The following PLEKHA1 variants were observed in gnomAD, a reference collection of about 807,000 sequenced individuals.
PLEKHA1 encodes pleckstrin homology domain-containing family A member 1.
Under a neutral mutation model 52.0 loss-of-function variants are expected in PLEKHA1, and 34 were observed. That is an observed-to-expected ratio of 0.65 (90% confidence interval 0.50 to 0.87). PLEKHA1 has a LOEUF of 0.87. Ranked by LOEUF, PLEKHA1 falls within the 40% of genes least tolerant of loss-of-function variation. The pLI is 0.00. For synonymous variants in PLEKHA1, 163 were observed against 170.7 expected (o/e 0.95, Z 0.35); for missense variants, 497 against 504.2 (o/e 0.99, Z 0.14).
At chr10:122,429,254 AATG>A in intron 11 of PLEKHA1, among the ~76,000 whole-genome samples, 1 of 152,170 alleles carries the variant, frequency 6.6e-6, no homozygotes, top group East Asian at 1.9e-4. Flanking sequence ...TCTTAAATAA[AATG>A]ATACAGCTGG....
chr10:122,377,981 C>G (rs1292818298), intron 1 of PLEKHA1, among the ~76,000 whole-genome samples: 5 of 152,164 alleles, frequency 3.3e-5, no homozygotes, highest in Non-Finnish European at 7.3e-5. Flanking sequence ...TTGTTTCCTA[C>G]ATGGAACTCT....
At chr10:122,399,075 C>T (rs1352216507) in intron 3 of PLEKHA1, among the ~76,000 whole-genome samples, 1 of 152,096 alleles carries the variant, frequency 6.6e-6, no homozygotes, top group African/African-American at 2.4e-5. Flanking sequence ...CTGTGCAGTT[C>T]TGTAACTTTC....
intron 5 of PLEKHA1, among the ~76,000 whole-genome samples, chr10:122,410,924 C>G (rs1298793564): frequency 1.3e-5 from 2 of 152,024 alleles, no homozygotes; most frequent in Non-Finnish European, 2.9e-5. Context: ...TCTCTTAATG[C>G]TAGTTGCTGT....
intron 1 of PLEKHA1, among the ~76,000 whole-genome samples, chr10:122,375,481 A>G (rs373583003): frequency 1.3e-4 from 19 of 148,950 alleles, no homozygotes; most frequent in African/African-American, 4.6e-4. Context: ...GGCACCGGGG[A>G]GGCGACCAGA....
chr10:122,381,609 T>G (rs937137695), intron 1 of PLEKHA1, among the ~76,000 whole-genome samples: 2 of 152,210 alleles, frequency 1.3e-5, no homozygotes, highest in Admixed American at 6.6e-5. Context: ...TCATGCCTCC[T>G]GTACAGACTG....
At chr10:122,412,824 G>T (rs546182583) in intron 5 of PLEKHA1, 96 bp from the exon 6 acceptor site, 10 of 1,349,852 alleles carry the variant, frequency 7.4e-6, no homozygotes, top group East Asian at 2.4e-5. Context: ...TCTGTCAACC[G>T]TATGCAAACG....
chr10:122,394,526 A>G (rs979537804), intron 2 of PLEKHA1, among the ~76,000 whole-genome samples: 3 of 152,274 alleles, frequency 2.0e-5, no homozygotes, highest in Admixed American at 6.5e-5. Flanking sequence ...TGGGTGAGGA[A>G]TGGAAGGTCT....
intron 7 of PLEKHA1, among the ~76,000 whole-genome samples, chr10:122,416,355 A>G (rs948427318): frequency 6.6e-6 from 1 of 152,130 alleles, no homozygotes; most frequent in Non-Finnish European, 1.5e-5. Context: ...GGCCAGCGGC[A>G]GGAGAAGGAG....
chr10:122,388,502 A>G (rs557597235), intron 1 of PLEKHA1, among the ~76,000 whole-genome samples: 51 of 152,260 alleles, frequency 3.3e-4, no homozygotes, highest in Non-Finnish European at 6.5e-4. Context: ...GAATATCTGA[A>G]TCTCAGAGAT....
At chr10:122,391,738 CT>C (rs908152168) in intron 1 of PLEKHA1, among the ~76,000 whole-genome samples, 3,470 of 144,762 alleles carry the variant, frequency 0.024, 100 homozygotes, top group African/African-American at 0.074. Context: ...ACATTGTAAA[CT>C]TTTTTTTTTT....
At chr10:122,417,868 A>G in intron 7 of PLEKHA1, 32 bp from the exon 8 acceptor site, 1 of 1,544,786 alleles carries the variant, frequency 6.5e-7, no homozygotes, top group Non-Finnish European at 8.9e-7. Flanking sequence ...TCTTAGAAAC[A>G]CAAGTCTTAT....
chr10:122,383,191 C>T (rs2096638481), intron 1 of PLEKHA1, among the ~76,000 whole-genome samples: 1 of 152,200 alleles, frequency 6.6e-6, no homozygotes, highest in Non-Finnish European at 1.5e-5. Context: ...CATTTAGCCC[C>T]AGCAACTACC....
chr10:122,438,833 A>T, the PLEKHA1 span: 3 of 152,014 alleles, frequency 2.0e-5, no homozygotes, highest in Non-Finnish European at 4.4e-5. Flanking sequence ...TGGGTCATAC[A>T]TGAAATACAC....
At chr10:122,400,899 G>A (rs188214091) in intron 4 of PLEKHA1, among the ~76,000 whole-genome samples, 195 of 152,232 alleles carry the variant, frequency 1.3e-3, no homozygotes, top group African/African-American at 4.5e-3. Context: ...AGGCTGGTTG[G>A]CTCATAAATA....
rs759699794 is a variant in PLEKHA1 at position 122,406,515 on chromosome 10, C to A, written c.245-61C>A. Reference sequence around the variant, plus strand: ...ACTTAGCAAGGTTTTTCAGCTACTGCAAACATAAATTTAGAGGTAATAAGT... The same window carrying A: ...ACTTAGCAAGGTTTTTCAGCTACTGAAAACATAAATTTAGAGGTAATAAGT... On this transcript the variant is annotated intron_variant, in intron 4 of 11. Coordinates refer to ENST00000368990, the MANE Select transcript of PLEKHA1 (RefSeq NM_001001974.4). 9 of 1,384,428 alleles carry A rather than the reference C, an allele frequency of 6.5e-6. No individual in the cohort carries two copies. In the South Asian group the frequency reaches 7.1e-5, roughly 11 times the overall value. The allele number at this position is 1,384,428 out of a possible 1,614,324, so 85.8% of individuals were successfully genotyped here.
chr10:122,428,583 A>G (rs560578289), intron 11 of PLEKHA1, among the ~76,000 whole-genome samples: 16 of 152,370 alleles, frequency 1.1e-4, no homozygotes, highest in African/African-American at 3.8e-4. Flanking sequence ...ATAAAAATTA[A>G]TATACTCAAC....
intron 4 of PLEKHA1, among the ~76,000 whole-genome samples, chr10:122,402,001 A>G (rs1042355193): frequency 6.6e-6 from 1 of 152,152 alleles, no homozygotes; most frequent in Non-Finnish European, 1.5e-5. Context: ...TAAAAGTTAC[A>G]TGTTTATTAC....
At chr10:122,381,031 G>A (rs2096607540) in intron 1 of PLEKHA1, among the ~76,000 whole-genome samples, 2 of 152,170 alleles carry the variant, frequency 1.3e-5, no homozygotes, top group South Asian at 4.1e-4. Flanking sequence ...TTGTTATAAG[G>A]ATTAAATAAA....
chr10:122,403,392 C>A (rs7919241), intron 4 of PLEKHA1, among the ~76,000 whole-genome samples: 9,505 of 152,088 alleles, frequency 0.062, 1,043 homozygotes, highest in African/African-American at 0.22. Flanking sequence ...ACCAGTTGAT[C>A]TCAGGTTGTG....
Sources: allele counts gnomAD v4.1 joint callset (sites outside exome capture counted in the v4.1 genomes callset), GRCh38; gene constraint gnomAD v4.1.1; transcripts MANE v1.5; gene names NCBI Gene and HGNC (gene_info 2026-07-23, HGNC 2026-07-21).